Variants in ADAM23 observed in about 807,000 individuals in gnomAD.
The protein encoded by ADAM23 is ADAM metallopeptidase domain 23.
A neutral mutation model predicts 120.1 loss-of-function variants in ADAM23; 33 were observed. The ratio of observed to expected loss-of-function variants is 0.27; its 90% CI spans 0.21 to 0.37. The LOEUF (loss-of-function observed/expected upper bound fraction) is 0.37, where lower values mean the gene tolerates loss of function less well. Ranked by LOEUF, ADAM23 falls within the 10% of genes least tolerant of loss-of-function variation. The probability of loss-of-function intolerance (pLI) is 1.00; values close to 1 mark genes in which losing one functional copy is unlikely to be tolerated. For synonymous variants in ADAM23, 367 were observed against 375.2 expected (o/e 0.98, Z 0.25); for missense variants, 862 against 1,058.2 (o/e 0.81, Z 2.57).
intron 24 of ADAM23, chr2:206,607,937 A>G: frequency 4.9e-6 from 2 of 405,590 alleles, no homozygotes; most frequent in South Asian, 1.7e-5. Context: ...TTCATGAATT[A>G]TGTGTTGATT....
At chr2:206,498,314 T>A (rs558422267) in intron 3 of ADAM23, among the ~76,000 whole-genome samples, 3 of 152,182 alleles carry the variant, frequency 2.0e-5, no homozygotes, top group Admixed American at 1.3e-4. Flanking sequence ...TGTAGACCAA[T>A]GGAACAGAAC....
chr2:206,484,903 T>C (rs538752306), intron 3 of ADAM23, among the ~76,000 whole-genome samples: 1 of 152,308 alleles, frequency 6.6e-6, no homozygotes, highest in Non-Finnish European at 1.5e-5. Flanking sequence ...GATGGTTTTA[T>C]GAAGGTCAGT....
intron 18 of ADAM23, among the ~76,000 whole-genome samples, chr2:206,579,189 TTACTC>T (rs1166557844): frequency 6.6e-6 from 1 of 152,238 alleles, no homozygotes; most frequent in African/African-American, 2.4e-5. Context: ...GGTTGTCTCT[TTACTC>T]TGCTGACTTT....
At chr2:206,488,277 T>C (rs2105883503) in intron 3 of ADAM23, among the ~76,000 whole-genome samples, 1 of 152,312 alleles carries the variant, frequency 6.6e-6, no homozygotes, top group East Asian at 1.9e-4. Flanking sequence ...TGAAAGAATT[T>C]CTCGTCTTCA....
At chr2:206,545,989 GATGA>G (rs1291072536) in intron 6 of ADAM23, among the ~76,000 whole-genome samples, 1 of 152,140 alleles carries the variant, frequency 6.6e-6, no homozygotes, top group African/African-American at 2.4e-5. Flanking sequence ...TTGTAGATTT[GATGA>G]ATTAATAAAT....
intron 3 of ADAM23, among the ~76,000 whole-genome samples, chr2:206,501,126 C>T (rs1419434103): frequency 6.6e-6 from 1 of 151,966 alleles, no homozygotes; most frequent in Non-Finnish European, 1.5e-5. Context: ...TATTTGTTTC[C>T]TGTTTCCAAG....
intron 9 of ADAM23, among the ~76,000 whole-genome samples, chr2:206,552,552 T>G (rs951432111): frequency 6.6e-6 from 1 of 152,142 alleles, no homozygotes; most frequent in African/African-American, 2.4e-5. Context: ...TGTAGAAAAT[T>G]TCTACACACC....
chr2:206,569,623 G>A (rs1445763738), intron 15 of ADAM23, among the ~76,000 whole-genome samples: 1 of 152,148 alleles, frequency 6.6e-6, no homozygotes, highest in Non-Finnish European at 1.5e-5. Context: ...AGAAGGGGGA[G>A]CCTGGTATAA....
intron 2 of ADAM23, among the ~76,000 whole-genome samples, chr2:206,476,402 C>T (rs141891628): frequency 8.5e-5 from 13 of 152,208 alleles, no homozygotes; most frequent in South Asian, 2.1e-4. Flanking sequence ...AGGCTGTGGC[C>T]GGTTAGGAAC....
At chr2:206,456,149 CTATACAGGAAG>C (rs1410955415) in intron 2 of ADAM23, among the ~76,000 whole-genome samples, 5 of 152,084 alleles carry the variant, frequency 3.3e-5, no homozygotes, top group African/African-American at 1.2e-4. Flanking sequence ...GTTCCGTAAG[CTATACAGGAAG>C]TATGACTGGG....
rs186773900 is a variant in ADAM23, at chr2:206,457,266, T to G, written c.432+11742T>G. Among the ~76,000 whole-genome samples the G allele has an allele frequency of 4.9e-3, 746 of 152,310 alleles. 2 individuals are homozygous for G. The highest frequency in any genetic ancestry group is 0.014 in the Middle Eastern group (4 of 294). ...CTTGCAGCATAACTGCCAAGATGATTATTATTTCTGTGTTCTGGATGAGGA... is the reference window on the plus strand; with the variant it reads ...CTTGCAGCATAACTGCCAAGATGATGATTATTTCTGTGTTCTGGATGAGGA... On this transcript the variant is annotated intron_variant, in intron 2 of 25. Coordinates refer to ENST00000264377, the MANE Select transcript of ADAM23 (RefSeq NM_003812.4).
chr2:206,498,811 A>T (rs1011619862), intron 3 of ADAM23, among the ~76,000 whole-genome samples: 6 of 152,220 alleles, frequency 3.9e-5, no homozygotes, highest in African/African-American at 1.4e-4. Flanking sequence ...ACAAGAAAAA[A>T]ACAACCCCAT....
intron 4 of ADAM23, among the ~76,000 whole-genome samples, 174 bp downstream of exon 4, chr2:206,531,122 C>T (rs903554154): frequency 5.9e-5 from 9 of 152,038 alleles, no homozygotes; most frequent in Admixed American, 3.9e-4. Context: ...TTTGAGGTAA[C>T]GTTAGGTATT....
At chr2:206,506,610 G>T (rs953991244) in intron 3 of ADAM23, among the ~76,000 whole-genome samples, 3 of 152,178 alleles carry the variant, frequency 2.0e-5, no homozygotes, top group African/African-American at 7.2e-5. Flanking sequence ...GTCAGTTATA[G>T]CTTGAAATCT....
intron 2 of ADAM23, among the ~76,000 whole-genome samples, chr2:206,480,273 G>C (rs1459133619): frequency 6.6e-6 from 1 of 152,038 alleles, no homozygotes; most frequent in Non-Finnish European, 1.5e-5. Context: ...GGTAGTATTG[G>C]GGGGAAGGAG....
intron 24 of ADAM23, among the ~76,000 whole-genome samples, chr2:206,600,915 A>G (rs1698628525): frequency 6.6e-6 from 1 of 152,234 alleles, no homozygotes; most frequent in Non-Finnish European, 1.5e-5. Context: ...TTTCACATGC[A>G]AAAACCCTTT....
intron 3 of ADAM23, among the ~76,000 whole-genome samples, chr2:206,504,690 A>C (rs1696459769): frequency 6.6e-6 from 1 of 152,158 alleles, no homozygotes; most frequent in Admixed American, 6.6e-5. Flanking sequence ...GTTTGCACCA[A>C]ATTCCACCAT....
chr2:206,499,525 A>G (rs1000075001), intron 3 of ADAM23, among the ~76,000 whole-genome samples: 2 of 151,134 alleles, frequency 1.3e-5, no homozygotes, highest in East Asian at 2.0e-4. Context: ...GCATTAGGAG[A>G]TATACCTAAT....
At chr2:206,603,686 C>T (rs904583615) in intron 24 of ADAM23, among the ~76,000 whole-genome samples, 121 of 152,254 alleles carry the variant, frequency 7.9e-4, no homozygotes, top group African/African-American at 2.7e-3. Flanking sequence ...AGAAATGTCT[C>T]GTCCTCCGGT....
Sources: allele counts gnomAD v4.1 joint callset (sites outside exome capture counted in the v4.1 genomes callset), GRCh38; gene constraint gnomAD v4.1.1; transcripts MANE v1.5; gene names NCBI Gene and HGNC (gene_info 2026-07-23, HGNC 2026-07-21).